The following TRIO variants were observed in gnomAD, a reference collection of about 807,000 sequenced individuals.
TRIO encodes trio Rho guanine nucleotide exchange factor.
In TRIO, 58 loss-of-function variants were observed where a neutral mutation model predicts 351.9. The observed-to-expected ratio is 0.16, with a 90% CI of 0.13 to 0.21. TRIO has a LOEUF of 0.21. TRIO is among the 10% of genes least tolerant of loss of function. The pLI, the probability that TRIO is intolerant of heterozygous loss-of-function variation, is 1.00. For missense variants in TRIO, 3,201 were observed against 4,027.8 expected (o/e 0.79, Z 5.56); for synonymous variants, 1,758 against 1,595.7 (o/e 1.10, Z -2.42).
At chr5:14,452,900 TTTTTTTTAAGGTTTTTA>T (rs1233916013) in intron 34 of TRIO, among the ~76,000 whole-genome samples, 1 of 151,898 alleles carries the variant, frequency 6.6e-6, no homozygotes, top group Non-Finnish European at 1.5e-5. Flanking sequence ...AAAAAAAACT[TTTTTTTTAAGGTTTTTA>T]TTAATCACAG....
intron 1 of TRIO, among the ~76,000 whole-genome samples, chr5:14,252,758 C>T (rs1794816206): frequency 6.6e-6 from 1 of 152,164 alleles, no homozygotes; most frequent in African/African-American, 2.4e-5. Context: ...CAGCCTGGCC[C>T]CGAGCCTTCT....
At chr5:14,282,992 C>T (rs1736133106) in intron 3 of TRIO, among the ~76,000 whole-genome samples, 1 of 152,206 alleles carries the variant, frequency 6.6e-6, no homozygotes, top group South Asian at 2.1e-4. Flanking sequence ...AGTGAGTCCT[C>T]TCTGGGCCCT....
intron 32 of TRIO, 97 bp downstream of exon 32, chr5:14,406,087 T>G: frequency 6.7e-7 from 1 of 1,487,252 alleles, no homozygotes; most frequent in Middle Eastern, 2.5e-4. Flanking sequence ...CTCTCAAACA[T>G]TTTGAGGAAT....
chr5:14,431,152 C>G (rs764030714), intron 34 of TRIO, among the ~76,000 whole-genome samples: 4 of 152,242 alleles, frequency 2.6e-5, no homozygotes, highest in African/African-American at 9.6e-5. Flanking sequence ...CTGTGGCCAC[C>G]TCTCCCAGGA....
At chr5:14,178,655 A>G (rs866825726) in intron 1 of TRIO, among the ~76,000 whole-genome samples, 1 of 152,220 alleles carries the variant, frequency 6.6e-6, no homozygotes. Context: ...CCATAGTTTC[A>G]TAATTCAGTA....
At chr5:14,275,465 A>G (rs1735408957) in intron 2 of TRIO, among the ~76,000 whole-genome samples, 1 of 152,228 alleles carries the variant, frequency 6.6e-6, no homozygotes, top group Admixed American at 6.5e-5. Flanking sequence ...AGTAAAACTT[A>G]GCATAATTCC....
rs75002787 is a variant in TRIO at position 14,495,381 on chromosome 5, A to C, written c.7881-1498A>C. Among the ~76,000 whole-genome samples the C allele has an allele frequency of 2.6e-3, 391 of 152,318 alleles. 1 individual carries two copies. Among genetic ancestry groups the C allele is most frequent in the Non-Finnish European group, 4.2e-3 (285 of 68,028 alleles). ...AGAATATTACATAAACTTAGTTGAC[A>C]GTGCAACAGCAGGGTTTGAAAGGAT... On this transcript the variant is annotated intron_variant, in intron 49 of 56. Transcript: ENST00000344204.
chr5:14,480,659 T>C (rs1755443706), intron 43 of TRIO, among the ~76,000 whole-genome samples: 1 of 152,226 alleles, frequency 6.6e-6, no homozygotes, highest in African/African-American at 2.4e-5. Flanking sequence ...GACCTGGATC[T>C]AGAGAGGGAC....
At chr5:14,350,140 A>G (rs1246980685) in intron 11 of TRIO, among the ~76,000 whole-genome samples, 1 of 152,212 alleles carries the variant, frequency 6.6e-6, no homozygotes, top group Non-Finnish European at 1.5e-5. Context: ...GCTCCAGGTC[A>G]TGCTCTGCCC....
chr5:14,233,008 G>A (rs527240325), intron 1 of TRIO, among the ~76,000 whole-genome samples: 74 of 152,264 alleles, frequency 4.9e-4, no homozygotes, highest in African/African-American at 1.7e-3. Flanking sequence ...CATGGTTGAG[G>A]GTGGGAAGTG....
chr5:14,460,046 G>C (rs1031593112), intron 34 of TRIO, among the ~76,000 whole-genome samples: 1 of 151,982 alleles, frequency 6.6e-6, no homozygotes, highest in African/African-American at 2.4e-5. Context: ...CTCCTGAGTA[G>C]CTGGGACTAC....
intron 34 of TRIO, among the ~76,000 whole-genome samples, chr5:14,431,156 C>A (rs1751088290): frequency 6.6e-6 from 1 of 152,226 alleles, no homozygotes; most frequent in Non-Finnish European, 1.5e-5. Flanking sequence ...GGCCACCTCT[C>A]CCAGGAGAAC....
chr5:14,356,109 A>C (rs1743590627), intron 11 of TRIO, among the ~76,000 whole-genome samples: 1 of 152,236 alleles, frequency 6.6e-6, no homozygotes. Flanking sequence ...GGATTGAAAA[A>C]TAACTTCTTT....
intron 37 of TRIO, 75 bp downstream of exon 37, chr5:14,465,715 C>A: frequency 6.7e-7 from 1 of 1,497,384 alleles, no homozygotes; most frequent in South Asian, 1.2e-5. Flanking sequence ...TTGCCCTTGT[C>A]TTTGTATTGC....
At chr5:14,395,197 T>C (rs1038941996) in intron 28 of TRIO, among the ~76,000 whole-genome samples, 6 of 152,258 alleles carry the variant, frequency 3.9e-5, no homozygotes, top group African/African-American at 1.4e-4. Context: ...GATACTATTA[T>C]GGGATTTTTC....
At chr5:14,369,232 G>C in intron 17 of TRIO, 142 bp from the exon 18 acceptor site, 1 of 1,217,800 alleles carries the variant, frequency 8.2e-7, no homozygotes, top group Non-Finnish European at 1.1e-6. Flanking sequence ...CTCCAGCCAG[G>C]TGGAGCCCAT....
At chr5:14,210,555 A>C (rs1267094388) in intron 1 of TRIO, among the ~76,000 whole-genome samples, 2 of 151,788 alleles carry the variant, frequency 1.3e-5, no homozygotes. Flanking sequence ...ATTTTGCAGC[A>C]TTTGTTTCTT....
chr5:14,502,638 G>A lies in TRIO; in HGVS notation c.8392G>A (p.Glu2798Lys). Reference protein sequence around the residue: ...WKDNFDSFYSEVAELGRGRFS... With the variant: ...WKDNFDSFYSKVAELGRGRFS... ...AGACAACTTTGACTCCTTCTACAGTGAAGTGGCTGAGCTTGGCAGGTATGA... is the reference window on the plus strand; with the variant it reads ...AGACAACTTTGACTCCTTCTACAGTAAAGTGGCTGAGCTTGGCAGGTATGA... Residue 2798 changes from glutamate to lysine, a missense_variant, in exon 54 of 57, where the codon GAA (glutamate) becomes AAA (lysine). By Grantham distance (56) the Glu-to-Lys change is moderately conservative. Coordinates refer to ENST00000344204, the MANE Select transcript of TRIO (RefSeq NM_007118.4). The A allele has an allele frequency of 6.2e-7, 1 of 1,614,226 alleles. No homozygotes were observed. Among genetic ancestry groups the A allele is most frequent in the Non-Finnish European group, 8.5e-7 (1 of 1,180,044 alleles).
At chr5:14,319,404 G>A (rs1028124179) in intron 9 of TRIO, among the ~76,000 whole-genome samples, 13 of 152,100 alleles carry the variant, frequency 8.5e-5, no homozygotes, top group Admixed American at 3.9e-4. Context: ...AACCAAAAAC[G>A]TGTTTCTGAA....
Sources: gnomAD v4.1 joint callset for allele counts (sites outside exome capture counted in the v4.1 genomes callset) on GRCh38, gnomAD v4.1.1 for gene constraint, MANE v1.5 for transcripts, NCBI Gene and HGNC (gene_info 2026-07-23, HGNC 2026-07-21) for gene names.